The following SH3GL3 variants were observed in gnomAD, a reference collection of about 807,000 sequenced individuals.
The protein encoded by SH3GL3 is SH3 domain containing GRB2 like 3, endophilin A3.
In SH3GL3, 33 loss-of-function variants were observed where a neutral mutation model predicts 47.7. The observed-to-expected ratio is 0.69, with a 90% CI of 0.52 to 0.92. SH3GL3 has a LOEUF of 0.92. SH3GL3 is among the 40% of genes least tolerant of loss of function. The pLI is 0.00. For missense variants in SH3GL3, 363 were observed against 417.8 expected, an observed-to-expected ratio of 0.87 and a Z score of 1.14; for synonymous variants, 155 against 148.8, an observed-to-expected ratio of 1.04 and a Z score of -0.30.
chr15:83,578,559 G>C (rs573668203), intron 6 of SH3GL3, among the ~76,000 whole-genome samples: 1 of 152,166 alleles, frequency 6.6e-6, no homozygotes, highest in South Asian at 2.1e-4. Context: ...TCATCCTGGA[G>C]AATTTATTCT....
intron 1 of SH3GL3, among the ~76,000 whole-genome samples, chr15:83,527,241 A>G (rs2043466237): frequency 6.6e-6 from 1 of 152,206 alleles, no homozygotes; most frequent in Admixed American, 6.5e-5. Context: ...CATTTGGTCT[A>G]AAGTGTAGTT....
At chr15:83,632,709 G>A in the SH3GL3 span, among the ~76,000 whole-genome samples, 3 of 152,170 alleles carry the variant, frequency 2.0e-5, no homozygotes, top group Non-Finnish European at 2.9e-5. Context: ...AAAAGCATGA[G>A]GGTAAGCACC....
At chr15:83,535,556 C>G (rs2043866853) in intron 1 of SH3GL3, among the ~76,000 whole-genome samples, 1 of 152,164 alleles carries the variant, frequency 6.6e-6, no homozygotes, top group Non-Finnish European at 1.5e-5. Flanking sequence ...CTTCATGTTC[C>G]TACATGGACC....
At chr15:83,594,505 A>G (rs890606657) in intron 8 of SH3GL3, among the ~76,000 whole-genome samples, 6 of 152,214 alleles carry the variant, frequency 3.9e-5, no homozygotes, top group African/African-American at 4.8e-5. Flanking sequence ...GCTAAAGTCC[A>G]CACTTCATTC....
the SH3GL3 span, among the ~76,000 whole-genome samples, chr15:83,628,840 T>TA: frequency 5.5e-4 from 82 of 150,228 alleles, 1 homozygote; most frequent in Non-Finnish European, 8.3e-4. Flanking sequence ...CAAGAATCTG[T>TA]AAAAAAAAAC....
chr15:83,592,506 T>C (rs1018179688), intron 8 of SH3GL3, among the ~76,000 whole-genome samples: 3 of 139,846 alleles, frequency 2.1e-5, no homozygotes, highest in African/African-American at 7.5e-5. Flanking sequence ...CTAAGACCCA[T>C]GTCATGGTCA....
chr15:83,459,919 A>G (rs922541757), intron 1 of SH3GL3, among the ~76,000 whole-genome samples: 2 of 151,232 alleles, frequency 1.3e-5, no homozygotes, highest in African/African-American at 4.9e-5. Flanking sequence ...CAACTTTTTC[A>G]TCAGTTCCTG....
chr15:83,564,220 T>C (rs2045427992), intron 2 of SH3GL3, among the ~76,000 whole-genome samples: 2 of 152,170 alleles, frequency 1.3e-5, no homozygotes, highest in African/African-American at 4.8e-5. Flanking sequence ...CACTTTACTA[T>C]CAGCTTGCCA....
chr15:83,500,420 C>A (rs1465258005), intron 1 of SH3GL3, among the ~76,000 whole-genome samples: 2 of 152,202 alleles, frequency 1.3e-5, no homozygotes, highest in African/African-American at 4.8e-5. Flanking sequence ...TGCTGGAGTT[C>A]ACAGAGCAGG....
downstream of SH3GL3, among the ~76,000 whole-genome samples, chr15:83,621,437 T>C (rs1215194333): frequency 6.6e-6 from 1 of 152,166 alleles, no homozygotes; most frequent in Non-Finnish European, 1.5e-5. Flanking sequence ...GAGGGGGGAA[T>C]GGCCAGGCAG....
chr15:83,464,128 C>A (rs912554388), intron 1 of SH3GL3, among the ~76,000 whole-genome samples: 1 of 152,178 alleles, frequency 6.6e-6, no homozygotes, highest in Non-Finnish European at 1.5e-5. Context: ...TGCTCTGAGA[C>A]CATGCTTGCC....
the SH3GL3 span, among the ~76,000 whole-genome samples, chr15:83,630,923 A>C: frequency 6.6e-6 from 1 of 152,260 alleles, no homozygotes; most frequent in Non-Finnish European, 1.5e-5. Context: ...CAAAAGTCCA[A>C]GTCCAAAGTC....
intron 8 of SH3GL3, 132 bp downstream of exon 8, chr15:83,588,903 T>TC: frequency 1.6e-6 from 1 of 620,118 alleles, no homozygotes; most frequent in Non-Finnish European, 2.9e-6. Context: ...TTTGGTAAAT[T>TC]CCCTTTTCCC....
At chr15:83,476,444 T>A (rs2041101308) in intron 1 of SH3GL3, among the ~76,000 whole-genome samples, 1 of 152,246 alleles carries the variant, frequency 6.6e-6, no homozygotes, top group Non-Finnish European at 1.5e-5. Flanking sequence ...GAGCCAGATG[T>A]CACCTGTTTA....
At chr15:83,581,700 C>G (rs1000613315) in intron 6 of SH3GL3, among the ~76,000 whole-genome samples, 2 of 152,186 alleles carry the variant, frequency 1.3e-5, no homozygotes, top group African/African-American at 4.8e-5. Context: ...GGTAGAGAGA[C>G]ATGACATGCT....
intron 1 of SH3GL3, among the ~76,000 whole-genome samples, chr15:83,511,011 C>T (rs767828121): frequency 5.6e-5 from 8 of 142,686 alleles, no homozygotes; most frequent in East Asian, 4.5e-4. Flanking sequence ...GAGAGGGGGG[C>T]GGGATAGCAT....
At chr15:83,595,507 TAAA>T (rs71156088) in intron 8 of SH3GL3, among the ~76,000 whole-genome samples, 3 of 135,290 alleles carry the variant, frequency 2.2e-5, no homozygotes, top group African/African-American at 2.8e-5. Flanking sequence ...ACCTAAAAGT[TAAA>T]AAAAAAAAAA....
intron 8 of SH3GL3, among the ~76,000 whole-genome samples, chr15:83,603,845 TG>T (rs1352158949): frequency 6.6e-6 from 1 of 152,226 alleles, no homozygotes; most frequent in Non-Finnish European, 1.5e-5. Context: ...AACAGGTCAC[TG>T]GGTTTCAGCC....
At chr15:83,487,957 C>G (rs1420935621) in intron 1 of SH3GL3, 1 of 150,980 alleles carries the variant, frequency 6.6e-6, no homozygotes, top group African/African-American at 2.4e-5. Context: ...CTCACTGCAA[C>G]CTTCGCCTCC....
Sources: gnomAD v4.1 joint callset for allele counts (sites outside exome capture counted in the v4.1 genomes callset) on GRCh38, gnomAD v4.1.1 for gene constraint, MANE v1.5 for transcripts, NCBI Gene and HGNC (gene_info 2026-07-23, HGNC 2026-07-21) for gene names.